The following UGT1A7 variants were observed in gnomAD, a reference collection of about 807,000 sequenced individuals.
UGT1A7 encodes UDP glucuronosyltransferase family 1 member A7, also known as UDP-glucuronosyltransferase 1A7.
Under a neutral mutation model 45.6 loss-of-function variants are expected in UGT1A7, and 33 were observed. The ratio of observed to expected loss-of-function variants is 0.72; its 90% CI spans 0.55 to 0.97. The LOEUF (loss-of-function observed/expected upper bound fraction) is 0.97. Among genes scored for constraint, UGT1A7 ranks in the 50% least tolerant of loss-of-function variants. The probability of loss-of-function intolerance (pLI) is 0.00; values close to 1 mark genes in which losing one functional copy is unlikely to be tolerated. For missense variants in UGT1A7, 684 were observed against 666.2 expected (o/e 1.03, Z -0.29); for synonymous variants, 274 against 250.6 (o/e 1.09, Z -0.88).
chr2:233,768,262 A>G lies in UGT1A7; in HGVS notation c.1118A>G (p.His373Arg), dbSNP rs1349037761. The change falls in exon 4 of 5, where the codon CAT becomes CGT. Residue 373 changes from histidine to arginine, a missense_variant. Physicochemically the swap from His to Arg is conservative, Grantham distance 29. Coordinates refer to ENST00000373426, the MANE Select transcript of UGT1A7 (RefSeq NM_019077.3). ...GCCTTTATCACCCATGCTGGTTCCC[A>G]TGGTGTTTATGAAAGCATATGCAAT... Reference protein sequence around the residue: ...TRAFITHAGSHGVYESICNGV... With the variant: ...TRAFITHAGSRGVYESICNGV... 1 of 1,614,138 alleles carries G rather than the reference A, an allele frequency of 6.2e-7. No individual in the cohort carries two copies. Among genetic ancestry groups the G allele is most frequent in the Non-Finnish European group, 8.5e-7 (1 of 1,180,018 alleles).
intron 1 of UGT1A7, chr2:233,690,662 C>T: frequency 7.8e-7 from 1 of 1,274,312 alleles, no homozygotes. Context: ...CAGCACCAAC[C>T]AGGGCAGGCC....
At chr2:233,753,846 T>C (rs540552189) in intron 1 of UGT1A7, among the ~76,000 whole-genome samples, 6 of 152,330 alleles carry the variant, frequency 3.9e-5, no homozygotes, top group Non-Finnish European at 5.9e-5. Context: ...TAGTATATCA[T>C]TGACCAACCA....
At chr2:233,716,951 C>A (rs2076535717) in intron 1 of UGT1A7, among the ~76,000 whole-genome samples, 1 of 152,156 alleles carries the variant, frequency 6.6e-6, no homozygotes, top group Non-Finnish European at 1.5e-5. Flanking sequence ...TTCCCAGGCA[C>A]CAGGAATGTG....
At chr2:233,702,369 G>T (rs116955810) in intron 1 of UGT1A7, among the ~76,000 whole-genome samples, 2 of 151,858 alleles carry the variant, frequency 1.3e-5, no homozygotes, top group African/African-American at 2.4e-5. Flanking sequence ...AGTGGATTTC[G>T]TAGGATTTTC....
At chr2:233,719,118 T>G (rs1175236836) in intron 1 of UGT1A7, 4 of 1,614,062 alleles carry the variant, frequency 2.5e-6, no homozygotes, top group Non-Finnish European at 2.5e-6. Context: ...CACTCAAGGG[T>G]TCTTTGAAAC....
chr2:233,687,498 TGAGGCACA>T (rs2074842350), intron 1 of UGT1A7, among the ~76,000 whole-genome samples: 2 of 147,610 alleles, frequency 1.4e-5, no homozygotes, highest in African/African-American at 5.0e-5. Context: ...ATGATGAAAC[TGAGGCACA>T]GAGGGGTTGA....
At chr2:233,690,531 T>C (rs1371905624) in intron 1 of UGT1A7, 2 of 1,289,774 alleles carry the variant, frequency 1.6e-6, no homozygotes, top group African/African-American at 1.5e-5. Flanking sequence ...ATCTACTTCT[T>C]TCACCCCACT....
intron 1 of UGT1A7, chr2:233,719,222 T>A: frequency 1.2e-6 from 2 of 1,614,238 alleles, no homozygotes; most frequent in Admixed American, 1.7e-5. Context: ...TACTGCATAA[T>A]GAGGCCCTGA....
intron 1 of UGT1A7, among the ~76,000 whole-genome samples, chr2:233,758,476 T>C (rs926458629): frequency 1.3e-5 from 2 of 152,218 alleles, no homozygotes; most frequent in Non-Finnish European, 2.9e-5. Context: ...AGGTTTAAAT[T>C]AAACTGTGAA....
At chr2:233,725,829 C>A (rs1473271913) in intron 1 of UGT1A7, among the ~76,000 whole-genome samples, 1 of 152,074 alleles carries the variant, frequency 6.6e-6, no homozygotes, top group African/African-American at 2.4e-5. Flanking sequence ...ACCAGTATTG[C>A]TACTCCTATG....
chr2:233,727,191 G>A (rs764445830), intron 1 of UGT1A7, among the ~76,000 whole-genome samples: 4 of 152,118 alleles, frequency 2.6e-5, no homozygotes, highest in Non-Finnish European at 4.4e-5. Context: ...CTTTGCTGGG[G>A]TGACCTCACT....
intron 1 of UGT1A7, among the ~76,000 whole-genome samples, chr2:233,686,986 A>G (rs2074815815): frequency 6.6e-6 from 1 of 152,154 alleles, no homozygotes. Flanking sequence ...TTGTACCCCA[A>G]GTCTTGGTTT....
At position 233,744,967 on chromosome 2, in the gene UGT1A7, CTTT is replaced by C. The variant is rs1270032038; in HGVS notation, c.856-22066_856-22064del. On this transcript the variant is annotated intron_variant, in intron 1 of 4. Transcript: ENST00000373426. ...TTGTATATAACCTACCAATATCCTTCTTTAAGCCTCTAGTCATCTCTTGATTAC... is the reference window on the plus strand; with the variant it reads ...TTGTATATAACCTACCAATATCCTTCAAGCCTCTAGTCATCTCTTGATTAC... Among the ~76,000 whole-genome samples the C allele has an allele frequency of 3.3e-5, 5 of 151,902 alleles. No individual in the cohort carries two copies. In the East Asian group the frequency reaches 9.6e-4, roughly 29 times the overall value.
At chr2:233,747,950 G>A in intron 1 of UGT1A7, 1 of 1,613,378 alleles carries the variant, frequency 6.2e-7, no homozygotes, top group Non-Finnish European at 8.5e-7. Flanking sequence ...TGTCAGTGGT[G>A]GATCTTCTCA....
At chr2:233,747,194 T>C in intron 1 of UGT1A7, 2 of 1,604,420 alleles carry the variant, frequency 1.2e-6, no homozygotes, top group Non-Finnish European at 1.7e-6. Context: ...GACAGTCAGC[T>C]GTCCGTGTCT....
At chr2:233,746,301 T>C (rs1399652161) in intron 1 of UGT1A7, among the ~76,000 whole-genome samples, 3 of 151,760 alleles carry the variant, frequency 2.0e-5, no homozygotes, top group African/African-American at 7.3e-5. Flanking sequence ...TTTGTTTCCC[T>C]TGGAGGGCCC....
intron 1 of UGT1A7, chr2:233,729,054 A>G (rs1209768756): frequency 1.2e-6 from 2 of 1,609,876 alleles, no homozygotes; most frequent in Admixed American, 3.3e-5. Context: ...TGACAAGGTA[A>G]TTAAGATGAA....
rs1700519300 is a variant in UGT1A7 at position 233,772,417 on chromosome 2, A to G, written c.1451A>G (p.His484Arg). Residue 484 changes from histidine to arginine, a missense_variant, in exon 5 of 5, where the codon CAT (histidine) becomes CGT (arginine). Coordinates refer to ENST00000373426, the MANE Select transcript of UGT1A7 (RefSeq NM_019077.3). ...CACGACCTCACCTGGTACCAGTACCATTCCTTGGACGTGATTGGTTTCCTC... is the reference window on the plus strand; with the variant it reads ...CACGACCTCACCTGGTACCAGTACCGTTCCTTGGACGTGATTGGTTTCCTC... ...AAHDLTWYQYHSLDVIGFLLA... is the reference protein window; with the variant it reads ...AAHDLTWYQYRSLDVIGFLLA... 1.2e-6 allele frequency: 2 copies of G among 1,614,214 alleles called. No individual in the cohort carries two copies. The highest frequency in any genetic ancestry group is 2.7e-5 in the African/African-American group (2 of 75,044).
intron 1 of UGT1A7, chr2:233,740,907 T>C (rs1395236903): frequency 3.6e-5 from 5 of 140,068 alleles, no homozygotes; most frequent in South Asian, 4.8e-4. Context: ...AGGTCAACAT[T>C]GTTCCCATCT....
Sources: allele counts gnomAD v4.1 joint callset (sites outside exome capture counted in the v4.1 genomes callset), GRCh38; gene constraint gnomAD v4.1.1; transcripts MANE v1.5; gene names NCBI Gene and HGNC (gene_info 2026-07-23, HGNC 2026-07-21).